The following SOX5 variants were observed in gnomAD, a reference collection of about 807,000 sequenced individuals.
SOX5 encodes the protein transcription factor SOX-5.
A neutral mutation model predicts 92.0 loss-of-function variants in SOX5; 9 were observed. The observed-to-expected ratio is 0.10, with a 90% CI of 0.06 to 0.17. The LOEUF is 0.17. Ranked by LOEUF, SOX5 falls within the 10% of genes least tolerant of loss-of-function variation. The pLI is 1.00. For synonymous variants in SOX5, 344 were observed against 336.3 expected (o/e 1.02, Z -0.25); for missense variants, 642 against 944.5 (o/e 0.68, Z 4.20).
rs555801682 is a variant in SOX5 at position 24,128,561 on chromosome 12, G to A, written c.-2+84782C>T. ...AGACCTAAAGGATGAAAAGCCAGACGTGGTGAGGCAGATGTGAGAAGGGGG... is the reference window on the plus strand; with the variant it reads ...AGACCTAAAGGATGAAAAGCCAGACATGGTGAGGCAGATGTGAGAAGGGGG... On this transcript the variant is annotated intron_variant, in intron 4 of 4. Transcript: ENST00000446891. Among the ~76,000 whole-genome samples, 9 of 152,294 alleles carry A rather than the reference G, an allele frequency of 5.9e-5. No individual in the cohort carries two copies. In the South Asian group the frequency reaches 8.3e-4, roughly 14 times the overall value.
At chr12:23,564,032 AC>A (rs1292438714) in intron 10 of SOX5, among the ~76,000 whole-genome samples, 1 of 152,176 alleles carries the variant, frequency 6.6e-6, no homozygotes, top group East Asian at 1.9e-4. Context: ...ACAGAATGTA[AC>A]CAAGCACCTG....
At chr12:23,971,917 T>C (rs1399835864) in intron 4 of SOX5, among the ~76,000 whole-genome samples, 1 of 152,184 alleles carries the variant, frequency 6.6e-6, no homozygotes, top group Non-Finnish European at 1.5e-5. Flanking sequence ...TTCCATTTTA[T>C]TGACGAAAAC....
intron 1 of SOX5, among the ~76,000 whole-genome samples, chr12:24,428,603 C>T (rs943645083): frequency 2.6e-5 from 4 of 151,596 alleles, no homozygotes; most frequent in African/African-American, 9.7e-5. Context: ...GAGACCCTGT[C>T]TCCATAAGAA....
chr12:23,663,879 A>C (rs1206297522), intron 7 of SOX5, among the ~76,000 whole-genome samples: 6 of 152,136 alleles, frequency 3.9e-5, no homozygotes, highest in Admixed American at 3.9e-4. Flanking sequence ...ATGAGTTGAT[A>C]ACCTACAAAG....
At chr12:23,972,933 G>A (rs2140162100) in intron 4 of SOX5, among the ~76,000 whole-genome samples, 1 of 151,930 alleles carries the variant, frequency 6.6e-6, no homozygotes, top group Non-Finnish European at 1.5e-5. Flanking sequence ...AACAAATTTT[G>A]GAATCTTTGA....
chr12:23,939,135 A>G (rs1943151102), intron 1 of SOX5, among the ~76,000 whole-genome samples: 1 of 151,084 alleles, frequency 6.6e-6, no homozygotes, highest in Admixed American at 6.6e-5. Context: ...CGCATGGCTG[A>G]AACCCAAACG....
At chr12:23,882,628 TGA>T (rs1465061450) in intron 2 of SOX5, among the ~76,000 whole-genome samples, 2 of 152,180 alleles carry the variant, frequency 1.3e-5, no homozygotes, top group African/African-American at 4.8e-5. Flanking sequence ...GCAATTGGGC[TGA>T]GAGGATTACA....
chr12:24,271,074 A>C (rs566620269), intron 3 of SOX5, among the ~76,000 whole-genome samples: 1 of 152,358 alleles, frequency 6.6e-6, no homozygotes, highest in South Asian at 2.1e-4. Flanking sequence ...AGGGCTATAA[A>C]TTTCAACTTT....
chr12:24,525,827 C>T (rs1233091779), intron 1 of SOX5, among the ~76,000 whole-genome samples: 1 of 151,966 alleles, frequency 6.6e-6, no homozygotes, highest in African/African-American at 2.4e-5. Flanking sequence ...TGCACTCCAG[C>T]CTGGGTGACA....
chr12:23,855,755 G>A (rs1445254605), intron 2 of SOX5, among the ~76,000 whole-genome samples: 1 of 152,048 alleles, frequency 6.6e-6, no homozygotes, highest in East Asian at 1.9e-4. Context: ...GCAGCACCTT[G>A]AAACACATTC....
At position 24,490,166 on chromosome 12, in the gene SOX5, A is replaced by G. The variant is rs553488881; in HGVS notation, c.-251+72163T>C. Among the ~76,000 whole-genome samples, 4 of 152,306 alleles carry G rather than the reference A, an allele frequency of 2.6e-5. No individual in the cohort carries two copies. In the South Asian group the frequency reaches 8.3e-4, roughly 32 times the overall value. On this transcript the variant is annotated intron_variant, in intron 1 of 4. Transcript: ENST00000446891. ...TGCTGCAATGAAGAGAGGAGAGACC[A>G]TTTGTTCTATAACTCAGCTTTCTTT...
intron 4 of SOX5, among the ~76,000 whole-genome samples, chr12:24,028,645 T>C (rs535509797): frequency 2.6e-5 from 4 of 152,078 alleles, no homozygotes; most frequent in East Asian, 1.9e-4. Flanking sequence ...TATTAAATCA[T>C]GACAATAAAA....
chr12:24,362,550 T>C (rs1340113640), intron 2 of SOX5, among the ~76,000 whole-genome samples: 1 of 152,156 alleles, frequency 6.6e-6, no homozygotes, highest in Non-Finnish European at 1.5e-5. Flanking sequence ...AAATGGACGA[T>C]AAAATCACTA....
chr12:24,245,755 T>C (rs544159257), intron 3 of SOX5, among the ~76,000 whole-genome samples: 8 of 152,158 alleles, frequency 5.3e-5, no homozygotes, highest in African/African-American at 1.9e-4. Context: ...TTTGGCTAGG[T>C]AATAACATAA....
chr12:24,128,300 A>G (rs774378776), intron 4 of SOX5, among the ~76,000 whole-genome samples: 15 of 152,346 alleles, frequency 9.8e-5, no homozygotes, highest in Non-Finnish European at 1.6e-4. Flanking sequence ...ATTCTGTGCC[A>G]GTCCCTGTGC....
chr12:24,093,188 C>A lies in SOX5; in HGVS notation c.-2+120155G>T, dbSNP rs1393538894. Among the ~76,000 whole-genome samples the A allele has an allele frequency of 3.3e-5, 5 of 152,122 alleles. No homozygotes were observed. In the East Asian group the frequency reaches 9.6e-4, roughly 29 times the overall value. On this transcript the variant is annotated intron_variant, in intron 4 of 4. Transcript: ENST00000446891. ...TCAATACTTTGTCACTACGGGTGCC[C>A]TATCAGTCAAAATGTCACTGAATTG...
intron 1 of SOX5, among the ~76,000 whole-genome samples, chr12:23,936,968 T>G (rs554088987): frequency 6.6e-6 from 1 of 150,888 alleles, no homozygotes; most frequent in African/African-American, 2.4e-5. Flanking sequence ...AGCTACCATA[T>G]TAGAAAGGAG....
intron 4 of SOX5, among the ~76,000 whole-genome samples, chr12:23,959,068 G>C (rs1356108975): frequency 6.6e-6 from 1 of 151,724 alleles, no homozygotes; most frequent in Admixed American, 6.6e-5. Context: ...TCAATAGGTA[G>C]CATCAATGTC....
chr12:23,841,813 C>T (rs777193634), intron 3 of SOX5, among the ~76,000 whole-genome samples: 1 of 151,966 alleles, frequency 6.6e-6, no homozygotes, highest in Non-Finnish European at 1.5e-5. Flanking sequence ...ATAGGTGAAA[C>T]AGGATAGTTT....
Sources: allele counts gnomAD v4.1 joint callset (sites outside exome capture counted in the v4.1 genomes callset), GRCh38; gene constraint gnomAD v4.1.1; transcripts MANE v1.5; gene names NCBI Gene and HGNC (gene_info 2026-07-23, HGNC 2026-07-21).